Variants in SNX6 observed in about 807,000 individuals in gnomAD.
SNX6 encodes sorting nexin-6.
In SNX6, 34 loss-of-function variants were observed where a neutral mutation model predicts 63.0. The observed-to-expected ratio is 0.54, with a 90% CI of 0.41 to 0.72. The LOEUF is 0.72. Ranked by LOEUF, SNX6 falls within the 30% of genes least tolerant of loss-of-function variation. The pLI, the probability that SNX6 is intolerant of heterozygous loss-of-function variation, is 0.00. For missense variants in SNX6, 398 were observed against 471.4 expected, an observed-to-expected ratio of 0.84 and a Z score of 1.44; for synonymous variants, 170 against 164.2, an observed-to-expected ratio of 1.04 and a Z score of -0.27.
At chr14:34,620,059 A>C (rs2138381157) in intron 2 of SNX6, among the ~76,000 whole-genome samples, 1 of 152,232 alleles carries the variant, frequency 6.6e-6, no homozygotes, top group East Asian at 1.9e-4. Flanking sequence ...GTATGGCTAG[A>C]GAAAAGTCAC....
chr14:34,600,550 T>A (rs907550694), intron 6 of SNX6, among the ~76,000 whole-genome samples: 2 of 152,034 alleles, frequency 1.3e-5, no homozygotes, highest in African/African-American at 4.8e-5. Flanking sequence ...AGTACTGGGA[T>A]TAAAGGTGTG....
rs764967493 is a variant in SNX6 at position 34,608,032 on chromosome 14, T to C, written c.268A>G (p.Ile90Val). The change falls in exon 4 of 14, where the codon ATC becomes GTC. Residue 90 changes from isoleucine (I) to valine (V), a missense_variant and splice_region_variant. Coordinates refer to ENST00000362031, the MANE Select transcript of SNX6 (RefSeq NM_152233.4). Reference protein sequence around the residue: ...FVENEDYAGYIIPPAPPRPDF... With the variant: ...FVENEDYAGYVIPPAPPRPDF... Reference sequence around the variant, plus strand: ...TAAAATGGAGTCTCAATACTTACGATATAACCTGCATAGTCTTCATTTTCA... The same window carrying C: ...TAAAATGGAGTCTCAATACTTACGACATAACCTGCATAGTCTTCATTTTCA... The C allele has an allele frequency of 3.3e-6, 5 of 1,526,274 alleles. No homozygotes were observed. Among genetic ancestry groups the C allele is most frequent in the East Asian group, 4.6e-5 (2 of 43,826 alleles). The allele number at this position is 1,526,274 out of a possible 1,614,324, so 94.5% of individuals were successfully genotyped here. A position where few individuals can be genotyped will look rare whatever the true frequency, so the allele number is the denominator to read the frequency against.
chr14:34,581,980 C>A (rs1042238766), intron 9 of SNX6, among the ~76,000 whole-genome samples: 7 of 152,108 alleles, frequency 4.6e-5, no homozygotes, highest in Non-Finnish European at 1.0e-4. Context: ...AGGCGCCCGC[C>A]ACCACGCCTA....
chr14:34,564,751 C>T (rs758998781), intron 13 of SNX6, among the ~76,000 whole-genome samples: 2 of 150,964 alleles, frequency 1.3e-5, no homozygotes, highest in Admixed American at 6.6e-5. Context: ...TGCTTGAACC[C>T]GGGAGGCAGA....
At chr14:34,568,233 ATT>A (rs143514066) in intron 11 of SNX6, among the ~76,000 whole-genome samples, 5 of 138,240 alleles carry the variant, frequency 3.6e-5, no homozygotes, top group East Asian at 4.2e-4. Context: ...CAACCTCTGA[ATT>A]TTTTTTTTTT....
chr14:34,580,604 A>C (rs1881896472), intron 10 of SNX6, among the ~76,000 whole-genome samples: 1 of 150,742 alleles, frequency 6.6e-6, no homozygotes, highest in Non-Finnish European at 1.5e-5. Context: ...TGGTTCCTTT[A>C]TTCTTATTGG....
intron 6 of SNX6, 120 bp downstream of exon 6, chr14:34,603,228 A>C: frequency 2.1e-6 from 2 of 940,130 alleles, no homozygotes; most frequent in Non-Finnish European, 3.0e-6. Context: ...CAGTGAGCCA[A>C]GATCATGCCA....
At chr14:34,588,248 C>T (rs760039853) in intron 8 of SNX6, among the ~76,000 whole-genome samples, 16 of 152,072 alleles carry the variant, frequency 1.1e-4, no homozygotes, top group Non-Finnish European at 2.1e-4. Flanking sequence ...ACCTTGTGAT[C>T]GGCCCGCCTT....
chr14:34,624,893 T>C (rs535081549), intron 2 of SNX6, among the ~76,000 whole-genome samples: 48 of 152,310 alleles, frequency 3.2e-4, no homozygotes, highest in African/African-American at 9.6e-4. Context: ...TGTATCAATA[T>C]GTACTTCATG....
chr14:34,624,632 C>A (rs1263227438), intron 2 of SNX6, among the ~76,000 whole-genome samples: 2 of 151,634 alleles, frequency 1.3e-5, no homozygotes, highest in Non-Finnish European at 2.9e-5. Flanking sequence ...CTCGTCTCTA[C>A]TAAAAATACA....
chr14:34,566,465 T>C (rs1057360474), intron 13 of SNX6, among the ~76,000 whole-genome samples: 8 of 151,794 alleles, frequency 5.3e-5, no homozygotes, highest in Non-Finnish European at 8.8e-5. Flanking sequence ...CACCCGGTCT[T>C]GGCCTCCCAA....
At chr14:34,602,570 G>A (rs1355677521) in intron 6 of SNX6, among the ~76,000 whole-genome samples, 3 of 134,798 alleles carry the variant, frequency 2.2e-5, no homozygotes, top group Non-Finnish European at 3.1e-5. Flanking sequence ...CAGCCTGGAC[G>A]ACAGAGCAAG....
Position 34,586,233 on chromosome 14 carries a change from C to G in SNX6, c.791G>C (p.Cys264Ser). The change falls in exon 9 of 14, where the codon TGC becomes TCC. Residue 264 changes from cysteine (C) to serine (S), a missense_variant. Cys to Ser is a moderately radical substitution (Grantham distance 112). Transcript: ENST00000362031. Reference sequence around the variant, plus strand: ...CGTTTTAAATTAGAACACTTACTTGCATATATCTGTAGAATCCTGAGTTCC... The same window carrying G: ...CGTTTTAAATTAGAACACTTACTTGGATATATCTGTAGAATCCTGAGTTCC... ...ALGTQDSTDI[C>S]KFFLKVSELF... 6.3e-7 allele frequency: 1 copy of G among 1,587,936 alleles called. No homozygotes were observed. Among genetic ancestry groups the G allele is most frequent in the Non-Finnish European group, 8.6e-7 (1 of 1,158,136 alleles).
intron 2 of SNX6, among the ~76,000 whole-genome samples, chr14:34,618,658 T>C (rs1161597561): frequency 3.9e-5 from 6 of 152,166 alleles, no homozygotes; most frequent in Non-Finnish European, 7.3e-5. Context: ...CCCTCGTTTT[T>C]TGAACACACA....
chr14:34,591,505 T>C (rs1182572068), intron 8 of SNX6, among the ~76,000 whole-genome samples: 1 of 151,864 alleles, frequency 6.6e-6, no homozygotes, highest in East Asian at 1.9e-4. Flanking sequence ...GGCAGGAGAA[T>C]TGCTTGAACC....
chr14:34,575,768 A>G lies in SNX6; in HGVS notation c.909T>C (p.Ser303=). Residue 303 remains serine (S), a synonymous_variant, in exon 11 of 14, where the codon TCT becomes TCC. Transcript: ENST00000362031. Reference sequence around the variant, plus strand: ...AGATTAAAATTACCTTAGCAGCTTGAGATTCTCTTAAGTAATATTTTAAAA... The same window carrying G: ...AGATTAAAATTACCTTAGCAGCTTGGGATTCTCTTAAGTAATATTTTAAAA... ...SDLLKYYLRE[S]QAAKDLLYRR... The G allele has an allele frequency of 3.8e-6, 6 of 1,576,744 alleles. No individual in the cohort carries two copies. The highest frequency in any genetic ancestry group is 5.2e-6 in the Non-Finnish European group (6 of 1,157,150).
chr14:34,617,781 C>T (rs1342021984), intron 2 of SNX6, among the ~76,000 whole-genome samples: 4 of 151,880 alleles, frequency 2.6e-5, no homozygotes, highest in Non-Finnish European at 2.9e-5. Context: ...ATAAGCCGGG[C>T]GTGGTGGCGG....
intron 2 of SNX6, among the ~76,000 whole-genome samples, chr14:34,622,954 T>TA (rs1172828968): frequency 6.6e-6 from 1 of 152,186 alleles, no homozygotes; most frequent in African/African-American, 2.4e-5. Flanking sequence ...TGAATGCATG[T>TA]AAGTGTGTAA....
intron 7 of SNX6, among the ~76,000 whole-genome samples, chr14:34,595,942 G>T (rs751557818): frequency 6.6e-6 from 1 of 152,036 alleles, no homozygotes; most frequent in African/African-American, 2.4e-5. Context: ...GTTTTCGGCC[G>T]GGCGCGGTGG....
Sources: gnomAD v4.1 joint callset for allele counts (sites outside exome capture counted in the v4.1 genomes callset) on GRCh38, gnomAD v4.1.1 for gene constraint, MANE v1.5 for transcripts, NCBI Gene and HGNC (gene_info 2026-07-23, HGNC 2026-07-21) for gene names.